Variants in PCMT1 observed in about 807,000 individuals in gnomAD.
PCMT1 encodes protein-L-isoaspartate(D-aspartate) O-methyltransferase.
A neutral mutation model predicts 29.2 loss-of-function variants in PCMT1; 9 were observed. The ratio of observed to expected loss-of-function variants is 0.31; its 90% CI spans 0.19 to 0.54. The LOEUF (loss-of-function observed/expected upper bound fraction) is 0.54. Ranked by LOEUF, PCMT1 falls within the 20% of genes least tolerant of loss-of-function variation. The pLI, the probability that PCMT1 is intolerant of heterozygous loss-of-function variation, is 0.95. For synonymous variants in PCMT1, 98 were observed against 97.5 expected (o/e 1.00, Z -0.03); for missense variants, 184 against 282.2 (o/e 0.65, Z 2.49).
intron 1 of PCMT1, 110 bp downstream of exon 1, chr6:149,750,066 G>A: frequency 3.5e-6 from 5 of 1,417,346 alleles, no homozygotes; most frequent in Non-Finnish European, 4.7e-6. Flanking sequence ...CTGTTGGAGG[G>A]CTTCGGCGCA....
intron 3 of PCMT1, among the ~76,000 whole-genome samples, chr6:149,774,231 T>G (rs578075412): frequency 6.6e-6 from 1 of 152,018 alleles, no homozygotes; most frequent in Non-Finnish European, 1.5e-5. Context: ...TAGCTTTTCT[T>G]TTCTTTTTCT....
At chr6:149,765,497 A>G (rs1787043642) in intron 1 of PCMT1, among the ~76,000 whole-genome samples, 1 of 151,976 alleles carries the variant, frequency 6.6e-6, no homozygotes, top group Admixed American at 6.6e-5. Flanking sequence ...ATATTTTAAA[A>G]TGGAAAGACC....
At chr6:149,761,445 C>T (rs1786737742) in intron 1 of PCMT1, among the ~76,000 whole-genome samples, 1 of 152,058 alleles carries the variant, frequency 6.6e-6, no homozygotes, top group Non-Finnish European at 1.5e-5. Context: ...GAGTGAACCA[C>T]TTTTAACTGT....
chr6:149,809,845 TAATTATC>T (rs1208771651), intron 7 of PCMT1, among the ~76,000 whole-genome samples: 7 of 152,154 alleles, frequency 4.6e-5, no homozygotes, highest in African/African-American at 1.7e-4. Context: ...ACTTGAGACT[TAATTATC>T]AATATCATGC....
chr6:149,790,345 G>A (rs747136267), intron 4 of PCMT1, among the ~76,000 whole-genome samples: 5 of 152,050 alleles, frequency 3.3e-5, no homozygotes, highest in South Asian at 2.1e-4. Flanking sequence ...TGTTATTGAC[G>A]ATAGGGTTCT....
At chr6:149,764,768 C>T (rs1233537882) in intron 1 of PCMT1, among the ~76,000 whole-genome samples, 2 of 151,310 alleles carry the variant, frequency 1.3e-5, no homozygotes, top group Admixed American at 6.6e-5. Flanking sequence ...GGGCCAGGCG[C>T]GGTGGCTGAA....
At chr6:149,781,361 G>A (rs9505975) in intron 3 of PCMT1, among the ~76,000 whole-genome samples, 74,404 of 151,418 alleles carry the variant, frequency 0.49, 20,099 homozygotes, top group East Asian at 0.83. Context: ...TGAGTAGCTA[G>A]GATTATAGGC....
rs555002925 is a variant in PCMT1 at position 149,793,468 on chromosome 6, T to C, written c.298-81T>C. On this transcript the variant is annotated intron_variant, in intron 4 of 7. Coordinates refer to ENST00000464889, the MANE Select transcript of PCMT1 (RefSeq NM_001360452.2). ...TGTTTTCTCTTTGTAGAATATGACTTTCGATAAGGAAAAACTTCAATAATA... is the reference window on the plus strand; with the variant it reads ...TGTTTTCTCTTTGTAGAATATGACTCTCGATAAGGAAAAACTTCAATAATA... 1,164 of 1,272,668 alleles carry C rather than the reference T, an allele frequency of 9.1e-4. 4 individuals carry two copies. The African/African-American group carries it at 0.015, about 16-fold the overall frequency. 78.8% of individuals were successfully genotyped at this position (1,272,668 alleles called of 1,614,324 possible). A position where few individuals can be genotyped will look rare whatever the true frequency, so the allele number is the denominator to read the frequency against.
At chr6:149,804,359 A>G (rs1051777911) in intron 7 of PCMT1, among the ~76,000 whole-genome samples, 31 of 152,176 alleles carry the variant, frequency 2.0e-4, no homozygotes, top group African/African-American at 7.2e-4. Context: ...CATCTTGCCT[A>G]TAATTTATAA....
intron 3 of PCMT1, among the ~76,000 whole-genome samples, chr6:149,781,516 C>T (rs562764437): frequency 1.1e-4 from 16 of 152,218 alleles, no homozygotes; most frequent in African/African-American, 3.4e-4. Context: ...TGAGCCACGG[C>T]GCCCGGCCAA....
At chr6:149,809,755 C>A (rs1776112656) in intron 7 of PCMT1, among the ~76,000 whole-genome samples, 1 of 152,090 alleles carries the variant, frequency 6.6e-6, no homozygotes, top group Non-Finnish European at 1.5e-5. Context: ...CCAGAGTCAT[C>A]AATTATTATC....
chr6:149,804,549 T>A lies in PCMT1; in HGVS notation c.*37+2133T>A, dbSNP rs183918590. On this transcript the variant is annotated intron_variant, in intron 7 of 7. Coordinates refer to ENST00000464889, the MANE Select transcript of PCMT1 (RefSeq NM_001360452.2). ...TTTTTTGAGACGGAGTCCTGCTCTGTTACCCAGGCTGTGTAGAGCAGTGGT... is the reference window on the plus strand; with the variant it reads ...TTTTTTGAGACGGAGTCCTGCTCTGATACCCAGGCTGTGTAGAGCAGTGGT... 3.9e-5 allele frequency among the ~76,000 whole-genome samples: 6 copies of A among 152,266 alleles called. No homozygotes were observed. In the East Asian group the frequency reaches 1.2e-3, roughly 29 times the overall value.
intron 1 of PCMT1, chr6:149,750,349 C>T (rs1037547389): frequency 5.0e-6 from 1 of 200,864 alleles, no homozygotes; most frequent in Admixed American, 6.0e-5. Flanking sequence ...TGGGCTGGCG[C>T]TCAGGAGACC....
intron 2 of PCMT1, 64 bp from the exon 3 acceptor site, chr6:149,773,074 A>C (rs1787402068): frequency 1.6e-6 from 2 of 1,252,688 alleles, no homozygotes; most frequent in African/African-American, 3.0e-5. Flanking sequence ...GGTAGAAAAG[A>C]AATTATGTGA....
At chr6:149,772,425 A>G (rs943084654) in intron 2 of PCMT1, 11 of 323,946 alleles carry the variant, frequency 3.4e-5, no homozygotes, top group Middle Eastern at 9.2e-4. Context: ...CAGAAATATG[A>G]AGCAATTTAA....
At chr6:149,794,777 CA>C in intron 5 of PCMT1, 3 of 478,174 alleles carry the variant, frequency 6.3e-6, no homozygotes. Flanking sequence ...TAAACCACAC[CA>C]AAATGAGTCT....
chr6:149,799,322 A>AT (rs1788730791), intron 6 of PCMT1, among the ~76,000 whole-genome samples: 1 of 152,072 alleles, frequency 6.6e-6, no homozygotes. Flanking sequence ...TCTAAAAAAA[A>AT]TAAAAGCTTC....
At chr6:149,755,008 C>T (rs1396037990) in intron 1 of PCMT1, among the ~76,000 whole-genome samples, 1 of 152,006 alleles carries the variant, frequency 6.6e-6, no homozygotes, top group Admixed American at 6.6e-5. Context: ...AGGTATGTTA[C>T]GTATAGGAAG....
At position 149,810,849 on chromosome 6, in the gene PCMT1, T is replaced by C. The variant is rs1776140884; in HGVS notation, c.*271T>C. 1 of 421,014 alleles carries C rather than the reference T, an allele frequency of 2.4e-6. No homozygotes were observed. Among genetic ancestry groups the C allele is most frequent in the Non-Finnish European group, 4.2e-6 (1 of 237,482 alleles). 26.1% of individuals were successfully genotyped at this position (421,014 alleles called of 1,614,324 possible). ...AAAGTATAAATTTGTGTAATATTAC[T>C]TTAACATGCCCATATTTTACTTGGA... On this transcript the variant is annotated 3_prime_UTR_variant, in exon 8 of 8. Transcript: ENST00000464889.
Sources: allele counts gnomAD v4.1 joint callset (sites outside exome capture counted in the v4.1 genomes callset), GRCh38; gene constraint gnomAD v4.1.1; transcripts MANE v1.5; gene names NCBI Gene and HGNC (gene_info 2026-07-23, HGNC 2026-07-21).